The following ANKRD31 variants were observed in gnomAD, a reference collection of about 807,000 sequenced individuals.
The protein encoded by ANKRD31 is ankyrin repeat domain-containing protein 31.
Under a neutral mutation model 186.0 loss-of-function variants are expected in ANKRD31, and 147 were observed. That is an observed-to-expected ratio of 0.79 (90% CI 0.69 to 0.91). The LOEUF (loss-of-function observed/expected upper bound fraction) is 0.91, where lower values mean the gene tolerates loss of function less well. ANKRD31 is among the 40% of genes least tolerant of loss of function. The probability of loss-of-function intolerance (pLI) is 0.00; values close to 1 mark genes in which losing one functional copy is unlikely to be tolerated. For synonymous variants in ANKRD31, 673 were observed against 736.4 expected, an observed-to-expected ratio of 0.91 and a Z score of 1.39; for missense variants, 1,986 against 2,148.8, an observed-to-expected ratio of 0.92 and a Z score of 1.50.
chr5:75,202,756 C>T (rs191571259), intron 5 of ANKRD31, among the ~76,000 whole-genome samples: 1 of 152,178 alleles, frequency 6.6e-6, no homozygotes, highest in Non-Finnish European at 1.5e-5. Context: ...CGTGATTTAA[C>T]CTATAGTCTG....
At chr5:75,235,760 A>C (rs1052493881) in intron 1 of ANKRD31, among the ~76,000 whole-genome samples, 9 of 152,192 alleles carry the variant, frequency 5.9e-5, no homozygotes, top group African/African-American at 1.9e-4. Context: ...TATTGCCTGA[A>C]AAGTGTGGAC....
chr5:75,088,179 C>A (rs1376107619), intron 23 of ANKRD31, among the ~76,000 whole-genome samples: 1 of 152,176 alleles, frequency 6.6e-6, no homozygotes, highest in Non-Finnish European at 1.5e-5. Flanking sequence ...CCACCCCAAC[C>A]TTTCCATATC....
In ANKRD31 at chr5:75,146,195, T is replaced by A. The variant is rs1210580589; in HGVS notation, c.3216A>T (p.Gln1072His). Residue 1072 changes from glutamine (Q) to histidine (H), a missense_variant, in exon 14 of 26, where the codon CAA becomes CAT. Transcript: ENST00000506364. ...DTERNYIDRDQKIIYSNEPLS... is the reference protein window; with the variant it reads ...DTERNYIDRDHKIIYSNEPLS... ...AAGGCTCATTTGAATAAATTATTTT[T>A]TGGTCTCTGTCAATGTAATTCCTCT... The A allele has an allele frequency of 6.5e-7, 1 of 1,535,746 alleles. No homozygotes were observed. Among genetic ancestry groups the A allele is most frequent in the East Asian group, 2.4e-5 (1 of 40,880 alleles).
At chr5:75,137,142 C>A (rs888761389) in intron 17 of ANKRD31, among the ~76,000 whole-genome samples, 1 of 151,842 alleles carries the variant, frequency 6.6e-6, no homozygotes, top group Non-Finnish European at 1.5e-5. Flanking sequence ...TGCACATGTA[C>A]CCTAGGACTT....
intron 2 of ANKRD31, among the ~76,000 whole-genome samples, chr5:75,224,137 A>ATATATATATATATATATATG (rs1757479847): frequency 1.6e-5 from 1 of 61,206 alleles, no homozygotes; most frequent in Non-Finnish European, 2.7e-5. Flanking sequence ...AATTATATAT[A>ATATATATATATATATATATG]TATATATATA....
At chr5:75,099,476 C>T (rs923536884) in intron 22 of ANKRD31, among the ~76,000 whole-genome samples, 3 of 152,262 alleles carry the variant, frequency 2.0e-5, no homozygotes, top group Admixed American at 2.0e-4. Context: ...CTCTCTTTTT[C>T]TATTGATTGG....
In ANKRD31 at chr5:75,236,489, G is replaced by A; in HGVS notation, c.104+94C>T. ...ATCCTGCCCACAAGCACATGTTCTG[G>A]TCACGATCTCCACTCAAAACTCTGA... is the stretch of plus-strand genomic sequence containing the variant. On this transcript the variant is annotated intron_variant, in intron 1 of 25. Transcript: ENST00000506364. 4.9e-6 allele frequency: 5 copies of A among 1,025,592 alleles called. No homozygotes were observed. The South Asian group carries it at 7.8e-5, about 16-fold the overall frequency. The allele number at this position is 1,025,592 out of a possible 1,614,324, so 63.5% of individuals were successfully genotyped here.
chr5:75,132,039 T>A (rs934375150), intron 17 of ANKRD31, among the ~76,000 whole-genome samples: 2 of 152,148 alleles, frequency 1.3e-5, no homozygotes, highest in Non-Finnish European at 2.9e-5. Flanking sequence ...CAAAGGTAGA[T>A]AAAACCACAA....
At chr5:75,223,430 GT>G (rs1282630869) in intron 2 of ANKRD31, among the ~76,000 whole-genome samples, 1 of 151,062 alleles carries the variant, frequency 6.6e-6, no homozygotes, top group African/African-American at 2.4e-5. Flanking sequence ...ATTTTAGATT[GT>G]TTTTTTGAAA....
intron 3 of ANKRD31, among the ~76,000 whole-genome samples, chr5:75,215,189 C>T (rs897811165): frequency 6.6e-6 from 1 of 152,174 alleles, no homozygotes; most frequent in Admixed American, 6.5e-5. Flanking sequence ...AGAATTCTCT[C>T]TTGCGGGGAG....
intron 13 of ANKRD31, 78 bp downstream of exon 13, chr5:75,148,498 T>C: frequency 9.8e-7 from 1 of 1,024,738 alleles, no homozygotes; most frequent in Non-Finnish European, 1.4e-6. Context: ...CAGCAGTCTT[T>C]CTCTTCCCTT....
At chr5:75,199,510 A>C in intron 6 of ANKRD31, 121 bp downstream of exon 6, 1 of 575,526 alleles carries the variant, frequency 1.7e-6, no homozygotes. Context: ...ATTTTTATCT[A>C]CCGAAATGGT....
intron 2 of ANKRD31, chr5:75,225,365 G>A (rs1478246540): frequency 6.5e-6 from 1 of 154,516 alleles, no homozygotes; most frequent in Non-Finnish European, 1.4e-5. Context: ...TATACCAGCA[G>A]CTGGAGAGAC....
intron 24 of ANKRD31, 24 bp from the exon 25 acceptor site, chr5:75,080,663 T>C (rs1426612120): frequency 4.0e-6 from 6 of 1,511,592 alleles, no homozygotes; most frequent in Non-Finnish European, 5.3e-6. Flanking sequence ...AAAACGTTAG[T>C]AATAATTTTG....
chr5:75,151,122 T>C (rs1751811259), intron 12 of ANKRD31, among the ~76,000 whole-genome samples: 1 of 151,994 alleles, frequency 6.6e-6, no homozygotes, highest in Non-Finnish European at 1.5e-5. Flanking sequence ...CATTTCTTGA[T>C]CAAGTATATG....
chr5:75,088,658 T>C (rs1043101492), intron 23 of ANKRD31, among the ~76,000 whole-genome samples: 4 of 152,176 alleles, frequency 2.6e-5, no homozygotes, highest in Non-Finnish European at 1.5e-5. Context: ...TGTGCCTTCA[T>C]AAATACAGAA....
At chr5:75,168,113 CA>C (rs151218154) in intron 11 of ANKRD31, among the ~76,000 whole-genome samples, 4 of 151,762 alleles carry the variant, frequency 2.6e-5, no homozygotes, top group East Asian at 1.9e-4. Context: ...AAACAAACAA[CA>C]AAAAAAACTG....
intron 17 of ANKRD31, among the ~76,000 whole-genome samples, chr5:75,131,397 G>A (rs747557570): frequency 1.3e-5 from 2 of 152,194 alleles, no homozygotes; most frequent in Non-Finnish European, 2.9e-5. Flanking sequence ...CACGCCCACA[G>A]AGCCTCACTC....
chr5:75,199,654 C>G lies in ANKRD31; in HGVS notation c.424G>C (p.Glu142Gln). 1 of 1,533,686 alleles carries G rather than the reference C, an allele frequency of 6.5e-7. No homozygotes were observed. The highest frequency in any genetic ancestry group is 8.7e-7 in the Non-Finnish European group (1 of 1,144,920). ...NIEGPEAESP[E>Q]VLPHIEKELS... is the part of the protein sequence containing the mutation. ...ACCTTTTCTATGTGTGGCAAAACTT[C>G]AGGACTTTCAGCCTCTGGCCCTAGA... The change falls in exon 6 of 26, where the codon GAA becomes CAA. Residue 142 changes from glutamate (E) to glutamine (Q), a missense_variant. Physicochemically the swap from Glu to Gln is conservative, Grantham distance 29. Transcript: ENST00000506364.
Sources: gnomAD v4.1 joint callset for allele counts (sites outside exome capture counted in the v4.1 genomes callset) on GRCh38, gnomAD v4.1.1 for gene constraint, MANE v1.5 for transcripts, NCBI Gene and HGNC (gene_info 2026-07-23, HGNC 2026-07-21) for gene names.